MSH3: variants seen among roughly 807,000 people sequenced by gnomAD.
MSH3 encodes the protein DNA mismatch repair protein Msh3.
MSH3 carries 106 observed loss-of-function variants against 123.3 expected under a neutral mutation model. The ratio of observed to expected loss-of-function variants is 0.86; its 90% CI spans 0.73 to 1.01. MSH3 has a LOEUF of 1.01. Ranked by LOEUF, MSH3 falls within the 50% of genes least tolerant of loss-of-function variation. The pLI, the probability that MSH3 is intolerant of heterozygous loss-of-function variation, is 0.00. For missense variants in MSH3, 1,459 were observed against 1,347.6 expected, an observed-to-expected ratio of 1.08 and a Z score of -1.29; for synonymous variants, 515 against 481.4, an observed-to-expected ratio of 1.07 and a Z score of -0.91.
intron 19 of MSH3, among the ~76,000 whole-genome samples, chr5:80,812,584 C>T (rs1406606257): frequency 7.3e-5 from 9 of 123,676 alleles, no homozygotes; most frequent in African/African-American, 9.3e-5. Context: ...CTGGTTCTGG[C>T]TTTTTTTTTT....
At chr5:80,757,458 A>G (rs1292601628) in intron 12 of MSH3, among the ~76,000 whole-genome samples, 1 of 152,172 alleles carries the variant, frequency 6.6e-6, no homozygotes, top group African/African-American at 2.4e-5. Flanking sequence ...TGACAGCCAC[A>G]CATGGTAGAT....
intron 22 of MSH3, among the ~76,000 whole-genome samples, chr5:80,869,839 T>TACACACACAC (rs1222307003): frequency 2.4e-3 from 134 of 54,706 alleles, no homozygotes; most frequent in Admixed American, 6.7e-3. Flanking sequence ...TATACATATA[T>TACACACACAC]ATACACACAC....
intron 19 of MSH3, among the ~76,000 whole-genome samples, chr5:80,808,380 G>A (rs961459905): frequency 2.6e-5 from 4 of 152,062 alleles, no homozygotes; most frequent in African/African-American, 7.2e-5. Flanking sequence ...ATCGTGTCTT[G>A]ATTGACCTAA....
chr5:80,805,073 C>T (rs1355119442), intron 19 of MSH3, among the ~76,000 whole-genome samples: 3 of 152,186 alleles, frequency 2.0e-5, no homozygotes, highest in Admixed American at 6.5e-5. Context: ...GGAATCCACC[C>T]GTCATCTCCA....
chr5:80,730,900 T>A (rs1201816405), intron 10 of MSH3, among the ~76,000 whole-genome samples: 2 of 146,254 alleles, frequency 1.4e-5, no homozygotes, highest in African/African-American at 5.0e-5. Flanking sequence ...ATATATTTTT[T>A]TTTTTTTCTT....
intron 8 of MSH3, among the ~76,000 whole-genome samples, chr5:80,685,709 T>C (rs546616874): frequency 6.6e-6 from 1 of 152,090 alleles, no homozygotes; most frequent in Non-Finnish European, 1.5e-5. Flanking sequence ...TTTGGTTTGC[T>C]CTTGCTTTTC....
Position 80,691,808 on chromosome 5 carries a change from AATAT to A in MSH3, c.1340+12720_1340+12723del, listed in dbSNP as rs1293295826. 6.8e-5 allele frequency among the ~76,000 whole-genome samples: 10 copies of A among 147,490 alleles called. 2 individuals carry two copies. Among genetic ancestry groups the A allele is most frequent in the Non-Finnish European group, 1.2e-4 (8 of 67,038 alleles). Reference sequence around the variant, plus strand: ...TTATATATTTATATAAATATATCTAAATATATATGTATGTTTATATAGATAAATA... The same window carrying A: ...TTATATATTTATATAAATATATCTAAATATGTATGTTTATATAGATAAATA... On this transcript the variant is annotated intron_variant, in intron 8 of 23. Transcript: ENST00000265081.
rs544629067 is a variant in MSH3, at chr5:80,698,821, C to G, written c.1340+19728C>G. 1.2e-4 allele frequency among the ~76,000 whole-genome samples: 18 copies of G among 150,932 alleles called. No homozygotes were observed. The South Asian group carries it at 2.7e-3, about 23-fold the overall frequency. Reference sequence around the variant, plus strand: ...GCCTGTTGTGGGGTGGTGGGGGGGACGGATAGCATTAGGAGATATACCTAA... The same window carrying G: ...GCCTGTTGTGGGGTGGTGGGGGGGAGGGATAGCATTAGGAGATATACCTAA... On this transcript the variant is annotated intron_variant, in intron 8 of 23. Transcript: ENST00000265081.
At chr5:80,741,423 T>C (rs763426319) in intron 10 of MSH3, 41 bp from the exon 11 acceptor site, 2 of 1,254,924 alleles carry the variant, frequency 1.6e-6, no homozygotes, top group South Asian at 1.2e-5. Flanking sequence ...TATTTCTTTA[T>C]GCACTTACAT....
intron 19 of MSH3, among the ~76,000 whole-genome samples, chr5:80,799,482 C>T (rs1444510071): frequency 1.6e-5 from 2 of 127,030 alleles, no homozygotes; most frequent in African/African-American, 6.0e-5. Flanking sequence ...ATATTTATAC[C>T]TGTCAAGGAA....
Position 80,672,293 on chromosome 5 carries a change from T to C in MSH3, c.842T>C (p.Met281Thr). The change falls in exon 5 of 24, where the codon ATG becomes ACG. Residue 281 changes from methionine to threonine, a missense_variant. Physicochemically the swap from Met to Thr is moderately conservative, Grantham distance 81. Coordinates refer to ENST00000265081, the MANE Select transcript of MSH3 (RefSeq NM_002439.5). ...NIYCHLDHNF[M>T]TASIPTHRLF... Reference sequence around the variant, plus strand: ...TATTGCCATTTAGATCACAACTTTATGACAGCAAGTATACCTACTCACAGA... The same window carrying C: ...TATTGCCATTTAGATCACAACTTTACGACAGCAAGTATACCTACTCACAGA... The C allele has an allele frequency of 6.2e-7, 1 of 1,614,134 alleles. No individual in the cohort carries two copies. Among genetic ancestry groups the C allele is most frequent in the East Asian group, 2.2e-5 (1 of 44,866 alleles).
At chr5:80,747,224 T>C (rs1204555904) in intron 12 of MSH3, among the ~76,000 whole-genome samples, 2 of 152,224 alleles carry the variant, frequency 1.3e-5, no homozygotes, top group Non-Finnish European at 2.9e-5. Context: ...AGAAACAGAC[T>C]CACTAGCAGA....
At chr5:80,682,730 C>A (rs1313455884) in intron 8 of MSH3, among the ~76,000 whole-genome samples, 1 of 152,114 alleles carries the variant, frequency 6.6e-6, no homozygotes, top group Non-Finnish European at 1.5e-5. Context: ...TACAAACAAC[C>A]CAATTATACT....
chr5:80,819,754 T>C (rs1745172238), intron 20 of MSH3, among the ~76,000 whole-genome samples: 1 of 152,086 alleles, frequency 6.6e-6, no homozygotes. Context: ...CCCAAAGCAC[T>C]GGGATTACAG....
intron 22 of MSH3, among the ~76,000 whole-genome samples, chr5:80,865,637 A>G (rs1310639095): frequency 6.6e-6 from 1 of 152,254 alleles, no homozygotes; most frequent in Non-Finnish European, 1.5e-5. Context: ...TTTAAGTGCC[A>G]TAAGTAATAC....
chr5:80,774,867 A>G (rs1158661053), intron 15 of MSH3, among the ~76,000 whole-genome samples: 1 of 152,166 alleles, frequency 6.6e-6, no homozygotes, highest in African/African-American at 2.4e-5. Context: ...ATACAAAAAA[A>G]CCAGAAAGAA....
At chr5:80,875,482 G>A (rs896837980) in intron 23 of MSH3, among the ~76,000 whole-genome samples, 2 of 152,182 alleles carry the variant, frequency 1.3e-5, no homozygotes, top group African/African-American at 4.8e-5. Flanking sequence ...TGAAGGAGGA[G>A]GAGGTCAGGT....
chr5:80,794,847 G>A (rs1231411778), intron 19 of MSH3, among the ~76,000 whole-genome samples: 1 of 152,212 alleles, frequency 6.6e-6, no homozygotes, highest in Non-Finnish European at 1.5e-5. Flanking sequence ...AGGACAGACA[G>A]TGGTAAAGCC....
intron 12 of MSH3, among the ~76,000 whole-genome samples, chr5:80,751,821 C>G (rs961970967): frequency 6.6e-6 from 1 of 152,046 alleles, no homozygotes; most frequent in African/African-American, 2.4e-5. Flanking sequence ...ACAATTCAAC[C>G]CAAAACAAAT....
Sources: gnomAD v4.1 joint callset for allele counts (sites outside exome capture counted in the v4.1 genomes callset) on GRCh38, gnomAD v4.1.1 for gene constraint, MANE v1.5 for transcripts, NCBI Gene and HGNC (gene_info 2026-07-23, HGNC 2026-07-21) for gene names.